Variants in GRM8 observed in about 807,000 individuals in gnomAD.
GRM8 encodes the protein glutamate metabotropic receptor 8.
In GRM8, 47 loss-of-function variants were observed where a neutral mutation model predicts 87.2. That is an observed-to-expected ratio of 0.54 (90% CI 0.43 to 0.69). The LOEUF (loss-of-function observed/expected upper bound fraction) is 0.69. Among genes scored for constraint, GRM8 ranks in the 30% least tolerant of loss-of-function variants. GRM8 has a pLI of 0.00. For missense variants in GRM8, 1,019 were observed against 1,139.2 expected, an observed-to-expected ratio of 0.89 and a Z score of 1.52; for synonymous variants, 396 against 404.5, an observed-to-expected ratio of 0.98 and a Z score of 0.25.
chr7:126,855,472 CTT>C (rs11428822), intron 6 of GRM8, among the ~76,000 whole-genome samples: 31 of 136,946 alleles, frequency 2.3e-4, no homozygotes, highest in Admixed American at 2.9e-4. Context: ...TATGATTTAT[CTT>C]TTTTTTTTTT....
At chr7:126,979,966 G>A (rs1318219555) in intron 3 of GRM8, among the ~76,000 whole-genome samples, 1 of 152,214 alleles carries the variant, frequency 6.6e-6, no homozygotes, top group Non-Finnish European at 1.5e-5. Context: ...GCCACAAGCT[G>A]CATGTGGCAA....
chr7:126,850,294 T>C (rs960093367), intron 6 of GRM8, among the ~76,000 whole-genome samples: 3 of 152,200 alleles, frequency 2.0e-5, no homozygotes, highest in Non-Finnish European at 4.4e-5. Context: ...GGCTGTTCTT[T>C]TCAATATCCT....
intron 6 of GRM8, among the ~76,000 whole-genome samples, chr7:126,803,222 T>G (rs563644294): frequency 1.3e-5 from 2 of 152,346 alleles, no homozygotes; most frequent in South Asian, 4.1e-4. Flanking sequence ...GTAAGGACTT[T>G]GGAACCTTGT....
chr7:126,590,417 C>T (rs1796570435), intron 8 of GRM8, among the ~76,000 whole-genome samples: 1 of 151,820 alleles, frequency 6.6e-6, no homozygotes, highest in Non-Finnish European at 1.5e-5. Context: ...AATTGGTATT[C>T]CTGAAGAAAT....
chr7:127,167,128 A>G (rs899335539), intron 2 of GRM8, among the ~76,000 whole-genome samples: 22 of 152,158 alleles, frequency 1.4e-4, no homozygotes, highest in African/African-American at 9.7e-5. Flanking sequence ...AAGTGGGGGC[A>G]ATCTGCAGGC....
chr7:126,439,973 G>A, intron 10 of GRM8, among the ~76,000 whole-genome samples: 1 of 151,916 alleles, frequency 6.6e-6, no homozygotes, highest in Non-Finnish European at 1.5e-5. Context: ...CAATGTGTTT[G>A]TGTTTTAAGT....
At chr7:126,955,224 A>G (rs1382037459) in intron 3 of GRM8, among the ~76,000 whole-genome samples, 1 of 152,206 alleles carries the variant, frequency 6.6e-6, no homozygotes, top group Non-Finnish European at 1.5e-5. Context: ...TCTAGAGGCA[A>G]GATTACCCAT....
intron 2 of GRM8, among the ~76,000 whole-genome samples, chr7:127,110,340 C>A (rs553410533): frequency 6.6e-6 from 1 of 152,194 alleles, no homozygotes; most frequent in Non-Finnish European, 1.5e-5. Flanking sequence ...CCTGCCCTAA[C>A]TTCTTAGCCC....
At chr7:126,748,169 A>C (rs2151531499) in intron 7 of GRM8, among the ~76,000 whole-genome samples, 1 of 152,156 alleles carries the variant, frequency 6.6e-6, no homozygotes, top group East Asian at 1.9e-4. Flanking sequence ...CAGTAGCATA[A>C]ATTAGGAAGA....
intron 7 of GRM8, among the ~76,000 whole-genome samples, chr7:126,703,848 C>T (rs186308488): frequency 9.2e-5 from 14 of 152,182 alleles, no homozygotes; most frequent in Non-Finnish European, 2.1e-4. Context: ...AGGCTTAAGC[C>T]ACCACACCTG....
At chr7:126,762,778 A>G (rs1010387548) in intron 7 of GRM8, among the ~76,000 whole-genome samples, 9 of 151,918 alleles carry the variant, frequency 5.9e-5, no homozygotes, top group African/African-American at 1.9e-4. Context: ...AAATATAATT[A>G]CTGTTAATAA....
chr7:126,716,732 T>A (rs562953595), intron 7 of GRM8, among the ~76,000 whole-genome samples: 2 of 152,272 alleles, frequency 1.3e-5, no homozygotes, highest in South Asian at 4.1e-4. Flanking sequence ...ATCTCTCTAC[T>A]CTCATGTATG....
At position 126,620,814 on chromosome 7, in the gene GRM8, C is replaced by T. The variant is rs561958254; in HGVS notation, c.1358-11316G>A. Among the ~76,000 whole-genome samples the T allele has an allele frequency of 2.6e-5, 4 of 152,320 alleles. No homozygotes were observed. The South Asian group carries it at 8.3e-4, about 32-fold the overall frequency. ...CCCTTAGTATACATTTTCTTGTTTA[C>T]ACCATGCAAAACACAATGTAAAAAT... On this transcript the variant is annotated intron_variant, in intron 7 of 10. Coordinates refer to ENST00000339582, the MANE Select transcript of GRM8 (RefSeq NM_000845.3).
intron 2 of GRM8, among the ~76,000 whole-genome samples, chr7:127,179,902 A>G (rs1321929438): frequency 6.6e-6 from 1 of 152,120 alleles, no homozygotes; most frequent in Non-Finnish European, 1.5e-5. Context: ...AAAGATTGAA[A>G]GAGCACAAAC....
intron 8 of GRM8, among the ~76,000 whole-genome samples, chr7:126,601,911 T>C (rs1206469189): frequency 1.4e-5 from 2 of 140,032 alleles, no homozygotes; most frequent in East Asian, 2.2e-4. Flanking sequence ...TAGTTTCTTT[T>C]GCTGTGCAGA....
At chr7:126,522,529 A>G (rs995368224) in intron 9 of GRM8, among the ~76,000 whole-genome samples, 1 of 152,160 alleles carries the variant, frequency 6.6e-6, no homozygotes, top group African/African-American at 2.4e-5. Flanking sequence ...TTTTTCGCCC[A>G]CACTGGAAAA....
intron 2 of GRM8, among the ~76,000 whole-genome samples, chr7:127,110,608 C>T (rs1178657086): frequency 6.7e-6 from 1 of 150,302 alleles, no homozygotes; most frequent in African/African-American, 2.5e-5. Context: ...ACTCATCATC[C>T]TCTTTTTTTA....
intron 3 of GRM8, among the ~76,000 whole-genome samples, chr7:126,925,564 C>A (rs949662642): frequency 6.6e-6 from 1 of 152,082 alleles, no homozygotes; most frequent in Admixed American, 6.5e-5. Flanking sequence ...TGTCCATATT[C>A]CTATCATCCC....
At chr7:126,847,491 C>G (rs1265240027) in intron 6 of GRM8, among the ~76,000 whole-genome samples, 3 of 152,142 alleles carry the variant, frequency 2.0e-5, no homozygotes, top group African/African-American at 7.2e-5. Flanking sequence ...CTGTTCCACT[C>G]AGCATCCACT....
Sources: gnomAD v4.1 joint callset for allele counts (sites outside exome capture counted in the v4.1 genomes callset) on GRCh38, gnomAD v4.1.1 for gene constraint, MANE v1.5 for transcripts, NCBI Gene and HGNC (gene_info 2026-07-23, HGNC 2026-07-21) for gene names.